NDUFA3: variants seen among roughly 807,000 people sequenced by gnomAD.
NDUFA3 encodes the protein NADH:ubiquinone oxidoreductase subunit A3, also known as NADH dehydrogenase [ubiquinone] 1 alpha subcomplex subunit 3.
Under a neutral mutation model 11.4 loss-of-function variants are expected in NDUFA3, and 10 were observed. That is an observed-to-expected ratio of 0.87 (90% CI 0.54 to 1.48). The LOEUF (loss-of-function observed/expected upper bound fraction) is 1.48. NDUFA3 is among the 40% of genes most tolerant of loss of function. The probability of loss-of-function intolerance (pLI) is 0.00; values close to 1 mark genes in which losing one functional copy is unlikely to be tolerated. For synonymous variants in NDUFA3, 39 were observed against 46.9 expected (o/e 0.83, Z 0.68); for missense variants, 115 against 110.5 (o/e 1.04, Z -0.18).
intron 2 of NDUFA3, among the ~76,000 whole-genome samples, chr19:54,103,406 A>G (rs1568555250): frequency 6.6e-6 from 1 of 152,012 alleles, no homozygotes; most frequent in Admixed American, 6.6e-5. Context: ...TAACCCCTCT[A>G]AATGAGACGT....
intron 2 of NDUFA3, among the ~76,000 whole-genome samples, chr19:54,103,641 C>G (rs2073161091): frequency 6.6e-6 from 1 of 152,078 alleles, no homozygotes; most frequent in East Asian, 1.9e-4. Flanking sequence ...CTTTAATTAG[C>G]ACCGGAGTTC....
At chr19:54,103,244 C>G in intron 2 of NDUFA3, 56 bp downstream of exon 2, 1 of 1,516,030 alleles carries the variant, frequency 6.6e-7, no homozygotes, top group East Asian at 2.3e-5. Context: ...CCCCTACATC[C>G]CTCCATCTTG....
At chr19:54,105,263 G>GATTTTTTTTTTTTTTTTTTTTTTTTTTTT (rs1201834834) in intron 2 of NDUFA3, among the ~76,000 whole-genome samples, 2 of 38,992 alleles carry the variant, frequency 5.1e-5, no homozygotes, top group Non-Finnish European at 5.4e-5. Flanking sequence ...AGTTTGTAAG[G>GATTTTTTTTTTTTTTTTTTTTTTTTTTTT]CTTTTTTTTT....
intron 2 of NDUFA3, among the ~76,000 whole-genome samples, chr19:54,103,810 C>T (rs1332443588): frequency 1.3e-5 from 2 of 152,018 alleles, no homozygotes; most frequent in Non-Finnish European, 2.9e-5. Context: ...TCCCGAGTAG[C>T]TGGGATTACA....
rs757257456 is a variant in NDUFA3 at position 54,107,042 on chromosome 19, G to A, written c.*140G>A. ...GGGTGAGTGTGGGGTCAGTTTATTG[G>A]GCATGCGTCAGTCAGAGGCTGGGCT... On this transcript the variant is annotated 3_prime_UTR_variant, in exon 4 of 4. Coordinates refer to ENST00000485876, the MANE Select transcript of NDUFA3 (RefSeq NM_004542.4). The A allele has an allele frequency of 3.7e-5, 59 of 1,613,144 alleles. No homozygotes were observed. Among genetic ancestry groups the A allele is most frequent in the Non-Finnish European group, 5.0e-5 (59 of 1,179,738 alleles).
In NDUFA3 at chr19:54,107,148, CAA is replaced by C; in HGVS notation, c.*248_*249del. The C allele has an allele frequency of 6.2e-7, 1 of 1,613,802 alleles. No individual in the cohort carries two copies. The highest frequency in any genetic ancestry group is 8.5e-7 in the Non-Finnish European group (1 of 1,179,938). ...TCCAGGGCCTCATCTGCTTCAAAGC[CAA>C]AGTCTTCCTCAACCTTAATCTGCAG... On this transcript the variant is annotated 3_prime_UTR_variant, in exon 4 of 4. Transcript: ENST00000485876.
intron 2 of NDUFA3, 63 bp from the exon 3 acceptor site, chr19:54,105,871 C>G (rs254255): frequency 0.52 from 736,381 of 1,421,128 alleles, 193,301 homozygotes; most frequent in Non-Finnish European, 0.54. Flanking sequence ...CCAAGGCTCA[C>G]CTTCTCTTCC....
Position 54,105,984 on chromosome 19 carries a change from A to C in NDUFA3, c.136A>C (p.Asn46His). 1 of 1,613,842 alleles carries C rather than the reference A, an allele frequency of 6.2e-7. No homozygotes were observed. The highest frequency in any genetic ancestry group is 8.5e-7 in the Non-Finnish European group (1 of 1,179,830). Residue 46 changes from asparagine (N) to histidine (H), a missense_variant, in exon 3 of 4, where the codon AAC (asparagine) becomes CAC (histidine). By Grantham distance (68) the Asn-to-His change is moderately conservative. Transcript: ENST00000485876. ...SPYFKYSVMI[N>H]KATPYNYPVP... is the part of the protein sequence containing the mutation. The stretch of plus-strand genomic sequence containing the variant: ...CTACTTCAAGTACTCCGTCATGATC[A>C]ACAAGGCCACGCCCTACAACTACCC...
Position 54,103,192 on chromosome 19 carries a change from C to T in NDUFA3, c.85+4C>T. ...TCCTTCGTCGTCGGGGGCCTCGGTG[C>T]GTGAGTGCTCCAGGCGCAAACTTGC... On this transcript the variant is annotated splice_donor_region_variant and intron_variant, in intron 2 of 3. Transcript: ENST00000485876. The T allele has an allele frequency of 1.3e-6, 2 of 1,589,282 alleles. No homozygotes were observed. The highest frequency in any genetic ancestry group is 1.7e-6 in the Non-Finnish European group (2 of 1,164,302).
intron 3 of NDUFA3, chr19:54,106,328 C>T (rs960080373): frequency 3.6e-5 from 15 of 414,520 alleles, no homozygotes; most frequent in African/African-American, 2.9e-4. Flanking sequence ...CACCACGACA[C>T]GCAAACTTTT....
chr19:54,107,517 G>A lies in NDUFA3; in HGVS notation c.*615G>A, dbSNP rs1051212154. The A allele has an allele frequency of 3.2e-5, 10 of 315,064 alleles. No individual in the cohort carries two copies. Among genetic ancestry groups the A allele is most frequent in the African/African-American group, 1.5e-4 (7 of 45,774 alleles). The allele number at this position is 315,064 out of a possible 1,614,324, so 19.5% of individuals were successfully genotyped here. A position where few individuals can be genotyped will look rare whatever the true frequency, so the allele number is the denominator to read the frequency against. ...TCCCACCTAGGCCTCCCAAAGTGCC[G>A]GGATTACAGGCATGAGCCACTGCAC... On this transcript the variant is annotated 3_prime_UTR_variant, in exon 4 of 4. Coordinates refer to ENST00000485876, the MANE Select transcript of NDUFA3 (RefSeq NM_004542.4).
chr19:54,106,989 A>C lies in NDUFA3; in HGVS notation c.*87A>C. The C allele has an allele frequency of 6.2e-7, 1 of 1,604,932 alleles. No homozygotes were observed. Among genetic ancestry groups the C allele is most frequent in the South Asian group, 1.1e-5 (1 of 90,648 alleles). On this transcript the variant is annotated 3_prime_UTR_variant, in exon 4 of 4. Coordinates refer to ENST00000485876, the MANE Select transcript of NDUFA3 (RefSeq NM_004542.4). ...CCCGAACGTGAGCATGTGTGTGATC[A>C]GAGGTGGGAACAAGTAGACGGTGGC... is the stretch of plus-strand genomic sequence containing the variant.
chr19:54,105,658 T>C (rs1329849124), intron 2 of NDUFA3: 5 of 670,130 alleles, frequency 7.5e-6, no homozygotes, highest in Admixed American at 2.1e-5. Flanking sequence ...AACGTGCTCA[T>C]TCCATGACCA....
chr19:54,102,897 A>G lies in NDUFA3; in HGVS notation c.10+9A>G, dbSNP rs375060811. Reference sequence around the variant, plus strand: ...GACAAAGATGGCTGCGAGTAAGTGCAGGTGCCGGTGGCGCACGGGGCTCGG... The same window carrying G: ...GACAAAGATGGCTGCGAGTAAGTGCGGGTGCCGGTGGCGCACGGGGCTCGG... On this transcript the variant is annotated intron_variant, in intron 1 of 3. Transcript: ENST00000485876. The G allele has an allele frequency of 2.6e-5, 42 of 1,609,862 alleles. No individual in the cohort carries two copies. The highest frequency in any genetic ancestry group is 3.1e-5 in the Non-Finnish European group (37 of 1,177,746).
chr19:54,103,058 T>A, intron 1 of NDUFA3, 56 bp from the exon 2 acceptor site: 1 of 1,587,424 alleles, frequency 6.3e-7, no homozygotes, highest in Non-Finnish European at 8.6e-7. Flanking sequence ...ACGAGAGGGT[T>A]AGAGGTCACC....
At chr19:54,104,020 A>G (rs1414949802) in intron 2 of NDUFA3, among the ~76,000 whole-genome samples, 1 of 150,524 alleles carries the variant, frequency 6.6e-6, no homozygotes, top group Non-Finnish European at 1.5e-5. Flanking sequence ...TGTTCAATAG[A>G]GACGGGGTTT....
Position 54,106,000 on chromosome 19 carries a change from A to G in NDUFA3, c.152A>G (p.Tyr51Cys). Reference protein sequence around the residue: ...YSVMINKATPYNYPVPVRDDG... With the variant: ...YSVMINKATPCNYPVPVRDDG... Reference sequence around the variant, plus strand: ...GTCATGATCAACAAGGCCACGCCCTACAACTACCCAGGTGAGTGGGGGCCA... The same window carrying G: ...GTCATGATCAACAAGGCCACGCCCTGCAACTACCCAGGTGAGTGGGGGCCA... Residue 51 changes from tyrosine (Y) to cysteine (C), a missense_variant, in exon 3 of 4, where the codon TAC becomes TGC. Tyr to Cys is a radical substitution (Grantham distance 194). Transcript: ENST00000485876. 6.2e-7 allele frequency: 1 copy of G among 1,613,344 alleles called. No homozygotes were observed. The highest frequency in any genetic ancestry group is 8.5e-7 in the Non-Finnish European group (1 of 1,179,350).
In NDUFA3 at chr19:54,103,096, T is replaced by G. The variant is rs768573645; in HGVS notation, c.11-18T>G. On this transcript the variant is annotated intron_variant, in intron 1 of 3. Transcript: ENST00000485876. ...GGGCAGCTACTTGCAGGGGTGACGC[T>G]TCTTGCCACCCCTTCAGGAGTCGGC... The G allele has an allele frequency of 6.2e-7, 1 of 1,610,418 alleles. No individual in the cohort carries two copies. The highest frequency in any genetic ancestry group is 1.3e-5 in the African/African-American group (1 of 74,828).
intron 2 of NDUFA3, among the ~76,000 whole-genome samples, chr19:54,103,662 G>T (rs765092676): frequency 6.6e-6 from 1 of 151,926 alleles, no homozygotes; most frequent in African/African-American, 2.4e-5. Flanking sequence ...CTGCAGGGAT[G>T]GGGGCGGGGG....
Sources: allele counts gnomAD v4.1 joint callset (sites outside exome capture counted in the v4.1 genomes callset), GRCh38; gene constraint gnomAD v4.1.1; transcripts MANE v1.5; gene names NCBI Gene and HGNC (gene_info 2026-07-23, HGNC 2026-07-21).